Variants in TSPAN18 observed in about 807,000 individuals in gnomAD.
TSPAN18 encodes the protein tetraspanin 18.
A neutral mutation model predicts 27.3 loss-of-function variants in TSPAN18; 14 were observed. The observed-to-expected ratio is 0.51, with a 90% confidence interval of 0.34 to 0.80. The LOEUF (loss-of-function observed/expected upper bound fraction) is 0.80, where lower values mean the gene tolerates loss of function less well. TSPAN18 is among the 30% of genes least tolerant of loss of function. The pLI, the probability that TSPAN18 is intolerant of heterozygous loss-of-function variation, is 0.01. For missense variants in TSPAN18, 268 were observed against 323.9 expected (o/e 0.83, Z 1.32); for synonymous variants, 143 against 136.5 (o/e 1.05, Z -0.33).
At position 44,727,045 on chromosome 11, in the gene TSPAN18, C is replaced by G. The variant is rs1200164535; in HGVS notation, c.-482C>G. ...CACCGCGGAGCCGCGCGAGGCCGCC[C>G]GAGCCCCAGCCCCGGCCCCGGCCCC... On this transcript the variant is annotated 5_prime_UTR_variant, in exon 1 of 10. Transcript: ENST00000520358. 4.2e-5 allele frequency: 6 copies of G among 143,320 alleles called. No individual in the cohort carries two copies. Among genetic ancestry groups the G allele is most frequent in the African/African-American group, 7.6e-5 (3 of 39,412 alleles). The allele number at this position is 143,320 out of a possible 1,614,324, so 8.9% of individuals were successfully genotyped here. A position where few individuals can be genotyped will look rare whatever the true frequency, so the allele number is the denominator to read the frequency against.
At chr11:44,792,347 G>C (rs1426389209) in intron 2 of TSPAN18, among the ~76,000 whole-genome samples, 1 of 152,170 alleles carries the variant, frequency 6.6e-6, no homozygotes, top group South Asian at 2.1e-4. Flanking sequence ...CCGCAGGCAC[G>C]CACGGCCTGG....
At chr11:44,906,380 A>G (rs777947357) in intron 3 of TSPAN18, 27 bp from the exon 4 acceptor site, 1 of 1,612,758 alleles carries the variant, frequency 6.2e-7, no homozygotes, top group African/African-American at 1.3e-5. Flanking sequence ...CCCCATCGGG[A>G]AGACTGAGGT....
intron 3 of TSPAN18, among the ~76,000 whole-genome samples, chr11:44,877,843 A>G (rs1488243872): frequency 6.6e-6 from 1 of 151,750 alleles, no homozygotes. Flanking sequence ...TTAAGAGGAG[A>G]CCACGGCTTT....
chr11:44,918,728 C>G (rs1860010137), intron 6 of TSPAN18, among the ~76,000 whole-genome samples: 1 of 152,056 alleles, frequency 6.6e-6, no homozygotes, highest in Admixed American at 6.5e-5. Flanking sequence ...AGGGCCCTAG[C>G]CTTTGACTGC....
At chr11:44,908,769 G>GAAAGAAAGAAAAAGAAAGAA (rs1554938043) in intron 4 of TSPAN18, among the ~76,000 whole-genome samples, 24 of 71,690 alleles carry the variant, frequency 3.3e-4, no homozygotes, top group African/African-American at 1.1e-3. Context: ...AGAGAGAAAG[G>GAAAGAAAGAAAAAGAAAGAA]AGAAAGAAAG....
chr11:44,839,382 A>C (rs1400920436), intron 2 of TSPAN18, among the ~76,000 whole-genome samples: 1 of 152,134 alleles, frequency 6.6e-6, no homozygotes, highest in East Asian at 1.9e-4. Flanking sequence ...ATAAATGAGC[A>C]TGTGTCTGTC....
At chr11:44,795,095 G>C (rs189590068) in intron 2 of TSPAN18, among the ~76,000 whole-genome samples, 5 of 73,078 alleles carry the variant, frequency 6.8e-5, no homozygotes, top group Admixed American at 1.7e-4. Context: ...CCCACCCCCG[G>C]GGTCTTCCCA....
At chr11:44,890,655 G>A (rs1039867777) in intron 3 of TSPAN18, among the ~76,000 whole-genome samples, 16 of 151,470 alleles carry the variant, frequency 1.1e-4, no homozygotes, top group Admixed American at 5.9e-4. Context: ...CCCAGGAGGC[G>A]GAGCTTGCCA....
chr11:44,774,083 G>T (rs1011628704), intron 2 of TSPAN18, among the ~76,000 whole-genome samples: 10 of 152,102 alleles, frequency 6.6e-5, no homozygotes, highest in African/African-American at 2.2e-4. Flanking sequence ...ATAAATACCA[G>T]GAGATAAGGA....
At chr11:44,803,366 G>T (rs564808330) in intron 2 of TSPAN18, among the ~76,000 whole-genome samples, 4 of 152,320 alleles carry the variant, frequency 2.6e-5, no homozygotes, top group South Asian at 4.1e-4. Context: ...AGCAAAGAAG[G>T]TATCCTCCCT....
At chr11:44,749,885 C>T (rs1222463339) in intron 1 of TSPAN18, among the ~76,000 whole-genome samples, 1 of 152,176 alleles carries the variant, frequency 6.6e-6, no homozygotes, top group African/African-American at 2.4e-5. Flanking sequence ...ATCCACCCGC[C>T]TTGGCCTCCC....
intron 2 of TSPAN18, among the ~76,000 whole-genome samples, chr11:44,784,872 A>G (rs1856019340): frequency 1.3e-5 from 2 of 152,224 alleles, no homozygotes; most frequent in African/African-American, 4.8e-5. Flanking sequence ...TTGTGAGTGA[A>G]CAGCAGATCT....
chr11:44,805,534 C>T (rs926463448), intron 2 of TSPAN18, among the ~76,000 whole-genome samples: 6 of 152,148 alleles, frequency 3.9e-5, no homozygotes, highest in Admixed American at 2.0e-4. Flanking sequence ...AGATTGAGTT[C>T]GAGTCCTGTG....
intron 8 of TSPAN18, among the ~76,000 whole-genome samples, chr11:44,922,767 C>T (rs1860191045): frequency 6.6e-6 from 1 of 152,176 alleles, no homozygotes; most frequent in Non-Finnish European, 1.5e-5. Context: ...TGACTGGCTT[C>T]TGGTTTGGGG....
intron 2 of TSPAN18, among the ~76,000 whole-genome samples, chr11:44,789,176 A>C (rs1856132357): frequency 6.6e-6 from 1 of 152,168 alleles, no homozygotes; most frequent in Admixed American, 6.5e-5. Context: ...TTCTTTTCAC[A>C]GCTTACCAGT....
rs1302517694 is a variant in TSPAN18 at position 44,932,370 on chromosome 11, G to A, written c.*3192G>A. The A allele has an allele frequency of 6.6e-6, 1 of 152,220 alleles. No individual in the cohort carries two copies. Among genetic ancestry groups the A allele is most frequent in the Non-Finnish European group, 1.5e-5 (1 of 68,064 alleles). The allele number at this position is 152,220 out of a possible 1,614,324, so 9.4% of individuals were successfully genotyped here. A position where few individuals can be genotyped will look rare whatever the true frequency, so the allele number is the denominator to read the frequency against. On this transcript the variant is annotated 3_prime_UTR_variant, in exon 10 of 10. Coordinates refer to ENST00000520358, the MANE Select transcript of TSPAN18 (RefSeq NM_130783.5). Reference sequence around the variant, plus strand: ...CACTGATGGTTTTGCACTGGTTTTTGTGAATGTTTCTTACAAAAAGAAAAA... The same window carrying A: ...CACTGATGGTTTTGCACTGGTTTTTATGAATGTTTCTTACAAAAAGAAAAA...
At chr11:44,842,544 A>G (rs1857394543) in intron 2 of TSPAN18, among the ~76,000 whole-genome samples, 1 of 152,146 alleles carries the variant, frequency 6.6e-6, no homozygotes. Flanking sequence ...ATTGACTTCC[A>G]TGAAGTCAGG....
intron 2 of TSPAN18, among the ~76,000 whole-genome samples, chr11:44,794,338 C>T (rs1442854464): frequency 1.3e-5 from 2 of 152,068 alleles, no homozygotes; most frequent in East Asian, 1.9e-4. Flanking sequence ...CGTGTGGATG[C>T]ATGTGTGTGT....
intron 2 of TSPAN18, among the ~76,000 whole-genome samples, chr11:44,797,819 C>T (rs1856384288): frequency 6.6e-6 from 1 of 152,172 alleles, no homozygotes; most frequent in African/African-American, 2.4e-5. Flanking sequence ...GTGAAGCGAC[C>T]TCTGGCCTTT....
Sources: allele counts gnomAD v4.1 joint callset (sites outside exome capture counted in the v4.1 genomes callset), GRCh38; gene constraint gnomAD v4.1.1; transcripts MANE v1.5; gene names NCBI Gene and HGNC (gene_info 2026-07-23, HGNC 2026-07-21).